ACOT1: variants seen among roughly 807,000 people sequenced by gnomAD.
The protein encoded by ACOT1 is acyl-CoA thioesterase 1.
Under a neutral mutation model 15.7 loss-of-function variants are expected in ACOT1, and 8 were observed. The ratio of observed to expected loss-of-function variants is 0.51; its 90% CI spans 0.30 to 0.92. The LOEUF (loss-of-function observed/expected upper bound fraction) is 0.92. Ranked by LOEUF, ACOT1 falls within the 40% of genes least tolerant of loss-of-function variation. The pLI is 0.06. For missense variants in ACOT1, 151 were observed against 539.4 expected, an observed-to-expected ratio of 0.28 and a Z score of 7.13; for synonymous variants, 67 against 241.2, an observed-to-expected ratio of 0.28 and a Z score of 6.69.
At chr14:73,514,184 C>T in the ACOT1 span, 8 of 1,614,134 alleles carry the variant, frequency 5.0e-6, no homozygotes, top group East Asian at 2.2e-5. Flanking sequence ...ATATCCTTGG[C>T]GGGGGTGGGC....
At chr14:73,522,532 C>T in the ACOT1 span, 2 of 1,614,200 alleles carry the variant, frequency 1.2e-6, no homozygotes, top group South Asian at 2.2e-5. Context: ...TCAGCTTTTC[C>T]AGCACAGTGG....
chr14:73,495,040 A>C, the ACOT1 span, among the ~76,000 whole-genome samples: 3 of 131,304 alleles, frequency 2.3e-5, no homozygotes, highest in East Asian at 6.3e-4. Flanking sequence ...TAAATGAATA[A>C]AAACCCGAGA....
the ACOT1 span, chr14:73,506,448 G>A: frequency 6.3e-7 from 1 of 1,583,880 alleles, no homozygotes; most frequent in African/African-American, 1.3e-5. Context: ...CTGTCCTGGA[G>A]GCAAAGAAAG....
chr14:73,528,299 G>A, the ACOT1 span, among the ~76,000 whole-genome samples: 2 of 146,726 alleles, frequency 1.4e-5, no homozygotes, highest in African/African-American at 5.1e-5. Flanking sequence ...GGAGGCTGAG[G>A]CAGAATCGCT....
At chr14:73,524,307 AAAAATATATATAT>A in the ACOT1 span, among the ~76,000 whole-genome samples, 1 of 110,072 alleles carries the variant, frequency 9.1e-6, no homozygotes, top group Non-Finnish European at 1.8e-5. Context: ...AAAAAAAAAA[AAAAATATATATAT>A]ATATATATAT....
chr14:73,500,069 A>T, the ACOT1 span, among the ~76,000 whole-genome samples: 4 of 152,160 alleles, frequency 2.6e-5, no homozygotes, highest in Non-Finnish European at 5.9e-5. Context: ...CTTTACTAAA[A>T]ACACAAAAAA....
chr14:73,525,093 G>T, the ACOT1 span, among the ~76,000 whole-genome samples: 1 of 151,984 alleles, frequency 6.6e-6, no homozygotes. Context: ...GCACTGGCAC[G>T]ATCATAGCTC....
At chr14:73,506,333 A>G in the ACOT1 span, 4 of 638,120 alleles carry the variant, frequency 6.3e-6, no homozygotes, top group Non-Finnish European at 1.1e-5. Context: ...CTGGGCTAGA[A>G]GTAAGAAGTA....
Position 73,537,387 on chromosome 14 carries a change from G to A in ACOT1, c.-35G>A. On this transcript the variant is annotated 5_prime_UTR_variant, in exon 1 of 3. Transcript: ENST00000311148. The stretch of plus-strand genomic sequence containing the variant: ...GAGTTGCAGGGGTCTCCACAGCTGA[G>A]GCAGTTTGGCCGGATTATTTGGGTT... 1.6e-6 allele frequency: 2 copies of A among 1,232,758 alleles called. No individual in the cohort carries two copies. Among genetic ancestry groups the A allele is most frequent in the Non-Finnish European group, 2.2e-6 (2 of 929,904 alleles). 76.4% of individuals were successfully genotyped at this position (1,232,758 alleles called of 1,614,324 possible). A position where few individuals can be genotyped will look rare whatever the true frequency, so the allele number is the denominator to read the frequency against.
the ACOT1 span, chr14:73,495,326 A>G: frequency 1.3e-4 from 212 of 1,613,956 alleles, no homozygotes; most frequent in Non-Finnish European, 1.7e-4. Context: ...CACTTTTCCC[A>G]TGACCATCTC....
At chr14:73,492,104 C>G in the ACOT1 span, 1 of 1,613,972 alleles carries the variant, frequency 6.2e-7, no homozygotes, top group Admixed American at 1.7e-5. The surrounding 1 kb of genome is among the most constrained non-coding windows in gnomAD (Gnocchi z 4.9). Context: ...ATACCGACCC[C>G]GAGTCCCAAC....
At chr14:73,510,654 T>G in the ACOT1 span, among the ~76,000 whole-genome samples, 2 of 152,160 alleles carry the variant, frequency 1.3e-5, no homozygotes, top group African/African-American at 2.4e-5. Flanking sequence ...CAGGCTGGTC[T>G]TGAACCCTTG....
At chr14:73,495,317 A>T in the ACOT1 span, 2 of 1,613,892 alleles carry the variant, frequency 1.2e-6, no homozygotes, top group South Asian at 1.1e-5. Context: ...TTCCTCCCTC[A>T]CTTTTCCCAT....
chr14:73,508,208 G>A, the ACOT1 span: 1 of 1,613,864 alleles, frequency 6.2e-7, no homozygotes. Flanking sequence ...GTAAACAGCT[G>A]GTGGAGGATC....
At chr14:73,518,865 G>C in the ACOT1 span, among the ~76,000 whole-genome samples, 1 of 152,136 alleles carries the variant, frequency 6.6e-6, no homozygotes, top group Non-Finnish European at 1.5e-5. Flanking sequence ...TTATAATTTT[G>C]TGAGATTATT....
the ACOT1 span, chr14:73,491,394 C>A: frequency 1.5e-6 from 2 of 1,349,034 alleles, no homozygotes; most frequent in Non-Finnish European, 1.9e-6. Flanking sequence ...GTGCCCGCTT[C>A]CGCGCCGCCC....
the ACOT1 span, among the ~76,000 whole-genome samples, chr14:73,504,551 A>G: frequency 4.6e-5 from 7 of 152,144 alleles, no homozygotes; most frequent in African/African-American, 1.4e-4. Flanking sequence ...CGATTTTTGC[A>G]TTTCTAATAA....
the ACOT1 span, chr14:73,492,755 G>A: frequency 6.2e-7 from 1 of 1,613,964 alleles, no homozygotes; most frequent in Non-Finnish European, 8.5e-7. This position sits in a 1 kb window ranked among gnomAD's most constrained non-coding sequence, Gnocchi z 4.9. Flanking sequence ...GTATCATCTG[G>A]AAGAACCCAA....
At chr14:73,524,395 G>A in the ACOT1 span, among the ~76,000 whole-genome samples, 1 of 145,794 alleles carries the variant, frequency 6.9e-6, no homozygotes, top group Non-Finnish European at 1.5e-5. Flanking sequence ...ATGAATTATT[G>A]GATGGGTTGT....
Sources: allele counts gnomAD v4.1 joint callset (sites outside exome capture counted in the v4.1 genomes callset), GRCh38; gene constraint gnomAD v4.1.1; non-coding constraint Gnocchi (gnomAD v3.1); transcripts MANE v1.5; gene names NCBI Gene and HGNC (gene_info 2026-07-23, HGNC 2026-07-21).